Variants in JAKMIP1 observed in about 807,000 individuals in gnomAD.
JAKMIP1 encodes janus kinase and microtubule interacting protein 1, also known as janus kinase and microtubule-interacting protein 1.
JAKMIP1 carries 33 observed loss-of-function variants against 113.0 expected under a neutral mutation model. The observed-to-expected ratio is 0.29, with a 90% CI of 0.22 to 0.39. JAKMIP1 has a LOEUF of 0.39. Among genes scored for constraint, JAKMIP1 ranks in the 10% least tolerant of loss-of-function variants. The probability of loss-of-function intolerance (pLI) is 1.00; values close to 1 mark genes in which losing one functional copy is unlikely to be tolerated. For missense variants in JAKMIP1, 813 were observed against 1,080.5 expected (o/e 0.75, Z 3.47); for synonymous variants, 480 against 459.9 (o/e 1.04, Z -0.56).
chr4:6,079,774 AC>A (rs1720234700), intron 7 of JAKMIP1, among the ~76,000 whole-genome samples: 1 of 152,186 alleles, frequency 6.6e-6, no homozygotes, highest in South Asian at 2.1e-4. Context: ...GCCTAAACTC[AC>A]AGTCTGCAAC....
At chr4:6,130,362 A>G (rs973889254) in intron 1 of JAKMIP1, among the ~76,000 whole-genome samples, 1 of 152,270 alleles carries the variant, frequency 6.6e-6, no homozygotes, top group Admixed American at 6.5e-5. Flanking sequence ...AACTGAGGTC[A>G]TAGGACAAAC....
chr4:6,081,698 G>A lies in JAKMIP1; in HGVS notation c.1012C>T (p.Arg338Trp), dbSNP rs367878764. The change falls in exon 6 of 21, where the codon CGG becomes TGG. Residue 338 changes from arginine (R) to tryptophan (W), a missense_variant. This residue lies in a region of JAKMIP1 where 540 missense variants were observed against 653.9 expected (regional missense o/e 0.83). Coordinates refer to ENST00000409021, the MANE Select transcript of JAKMIP1 (RefSeq NM_001099433.2). The surrounding 1 kb of genome is among the most constrained non-coding windows in gnomAD (Gnocchi z 4.6). ...AGATCCTCATTCTTCTTGTTCATCC[G>A]CTTGTTCTTCTCCACCAGGGGCTTC... ...QLKPLVEKNKRMNKKNEDLLQ... is the reference protein window; with the variant it reads ...QLKPLVEKNKWMNKKNEDLLQ... The A allele has an allele frequency of 2.0e-5, 33 of 1,613,946 alleles. No homozygotes were observed. The highest frequency in any genetic ancestry group is 2.5e-5 in the Non-Finnish European group (29 of 1,180,016).
At chr4:6,159,011 C>T (rs1578415518) in intron 1 of JAKMIP1, among the ~76,000 whole-genome samples, 1 of 152,058 alleles carries the variant, frequency 6.6e-6, no homozygotes, top group Non-Finnish European at 1.5e-5. Flanking sequence ...ATAGCTTGAG[C>T]CCTGGAGGTC....
chr4:6,053,703 C>T, intron 13 of JAKMIP1: 8 of 946,632 alleles, frequency 8.5e-6, no homozygotes, highest in Non-Finnish European at 1.1e-5. Flanking sequence ...GGTGACTACG[C>T]ATGCAGGAAA....
intron 1 of JAKMIP1, among the ~76,000 whole-genome samples, chr4:6,120,756 C>T (rs1716593230): frequency 6.6e-6 from 1 of 152,200 alleles, no homozygotes; most frequent in South Asian, 2.1e-4. Context: ...GCTCACACCC[C>T]AGGCCAGCTT....
At position 6,080,649 on chromosome 4, in the gene JAKMIP1, C is replaced by T. The variant is rs983427850; in HGVS notation, c.1102-337G>A. On this transcript the variant is annotated intron_variant, in intron 6 of 20. Coordinates refer to ENST00000409021, the MANE Select transcript of JAKMIP1 (RefSeq NM_001099433.2). The surrounding 1 kb of genome is among the most constrained non-coding windows in gnomAD (Gnocchi z 6.0). ...GCTCTCAGTCTGTCTTGTCTGCCGC[C>T]AAGTAAGATGTGCCTTTAGCTTTCT... 3.9e-5 allele frequency among the ~76,000 whole-genome samples: 6 copies of T among 152,110 alleles called. No homozygotes were observed. The highest frequency in any genetic ancestry group is 4.8e-5 in the African/African-American group (2 of 41,416).
rs1720480431 is a variant in JAKMIP1 at position 6,143,783 on chromosome 4, GT to G, written c.-147-30787del. On this transcript the variant is annotated intron_variant, in intron 1 of 20. Coordinates refer to ENST00000409021, the MANE Select transcript of JAKMIP1 (RefSeq NM_001099433.2). This position sits in a 1 kb window ranked among gnomAD's most constrained non-coding sequence, Gnocchi z 4.9. ...TTCTAACACACGCTGCTCTAGAACA[GT>G]TTTTTATTTAAATAGAGAAGAAAAA... 6.6e-6 allele frequency among the ~76,000 whole-genome samples: 1 copy of G among 152,166 alleles called. No individual in the cohort carries two copies.
chr4:6,167,739 G>T lies in JAKMIP1; in HGVS notation c.-148+32514C>A, dbSNP rs573132020. Among the ~76,000 whole-genome samples the T allele has an allele frequency of 2.0e-5, 3 of 152,214 alleles. No individual in the cohort carries two copies. Among genetic ancestry groups the T allele is most frequent in the African/African-American group, 7.2e-5 (3 of 41,452 alleles). ...GTACTGCTATCCTCACTTTACAGAT[G>T]TGAACTGCCCAAGGGCACGCGGCTT... On this transcript the variant is annotated intron_variant, in intron 1 of 20. Transcript: ENST00000409021. The surrounding 1 kb of genome is among the most constrained non-coding windows in gnomAD (Gnocchi z 5.3).
intron 1 of JAKMIP1, among the ~76,000 whole-genome samples, chr4:6,151,048 A>G (rs867230345): frequency 6.6e-6 from 1 of 152,066 alleles, no homozygotes; most frequent in Non-Finnish European, 1.5e-5. Flanking sequence ...CGCCCCCGCC[A>G]TACCTTCCCC....
chr4:6,040,727 G>A lies in JAKMIP1; in HGVS notation c.2098-11C>T, dbSNP rs763766378. On this transcript the variant is annotated splice_polypyrimidine_tract_variant and intron_variant, in intron 17 of 20. Transcript: ENST00000409021. The surrounding 1 kb of genome is among the most constrained non-coding windows in gnomAD (Gnocchi z 5.8). ...CCTGCTGAACAGGTCCTGAGAAAGA[G>A]GGAGGCGCCATCAGGGACCAGCGTC... 8.1e-6 allele frequency: 13 copies of A among 1,610,472 alleles called. 1 individual carries two copies. The South Asian group carries it at 1.3e-4, about 16-fold the overall frequency.
intron 3 of JAKMIP1, among the ~76,000 whole-genome samples, chr4:6,092,798 C>T (rs1185011605): frequency 6.6e-6 from 1 of 152,166 alleles, no homozygotes; most frequent in Admixed American, 6.5e-5. Flanking sequence ...AAATCATTCC[C>T]CCAGATTCAG....
rs1201817717 is a variant in JAKMIP1 at position 6,153,012 on chromosome 4, T to C, written c.-147-40015A>G. On this transcript the variant is annotated intron_variant, in intron 1 of 20. Coordinates refer to ENST00000409021, the MANE Select transcript of JAKMIP1 (RefSeq NM_001099433.2). This position sits in a 1 kb window ranked among gnomAD's most constrained non-coding sequence, Gnocchi z 4.9. ...AGTGGGCATCCCTTAGCCCCAATTC[T>C]AGGAAACCCACATCACCTTCCTGTT... Among the ~76,000 whole-genome samples the C allele has an allele frequency of 1.3e-5, 2 of 151,948 alleles. No homozygotes were observed. The highest frequency in any genetic ancestry group is 2.9e-5 in the Non-Finnish European group (2 of 67,966).
rs73077443 is a variant in JAKMIP1, at chr4:6,197,623, G to A, written c.-148+2630C>T. ...AGGTTGATCCCGTCGCCACTATGGG[G>A]AGAGGAGTGACCCAGCAGAACTGGG... On this transcript the variant is annotated intron_variant, in intron 1 of 20. Coordinates refer to ENST00000409021, the MANE Select transcript of JAKMIP1 (RefSeq NM_001099433.2). The surrounding 1 kb of genome is among the most constrained non-coding windows in gnomAD (Gnocchi z 6.5). Among the ~76,000 whole-genome samples, 360 of 152,310 alleles carry A rather than the reference G, an allele frequency of 2.4e-3. No homozygotes were observed. Among genetic ancestry groups the A allele is most frequent in the African/African-American group, 8.2e-3 (341 of 41,566 alleles).
At chr4:6,071,625 G>A (rs1718970163) in intron 8 of JAKMIP1, among the ~76,000 whole-genome samples, 1 of 152,222 alleles carries the variant, frequency 6.6e-6, no homozygotes, top group Non-Finnish European at 1.5e-5. Context: ...TCCCCATGGT[G>A]TTTGCTACCC....
intron 16 of JAKMIP1, among the ~76,000 whole-genome samples, chr4:6,043,105 G>T (rs897700845): frequency 2.6e-5 from 4 of 151,970 alleles, no homozygotes; most frequent in African/African-American, 7.2e-5. Context: ...GGCACCTAGG[G>T]GTGTCCGGGT....
chr4:6,146,151 G>A (rs547978387), intron 1 of JAKMIP1, among the ~76,000 whole-genome samples: 2 of 145,222 alleles, frequency 1.4e-5, no homozygotes, highest in African/African-American at 5.0e-5. Flanking sequence ...ATTACACTCA[G>A]TGAAATAAGC....
At position 6,031,772 on chromosome 4, in the gene JAKMIP1, A is replaced by G. The variant is rs571592827; in HGVS notation, c.2380-1991T>C. On this transcript the variant is annotated intron_variant, in intron 19 of 20. Transcript: ENST00000409021. The surrounding 1 kb of genome is among the most constrained non-coding windows in gnomAD (Gnocchi z 4.4). ...ACAGAAAAAAAGATGATTCTCTCAG[A>G]TCTGTGACCTTGGGCAGTTATTCTG... Among the ~76,000 whole-genome samples, 7 of 152,330 alleles carry G rather than the reference A, an allele frequency of 4.6e-5. No homozygotes were observed. The highest frequency in any genetic ancestry group is 3.9e-4 in the Admixed American group (6 of 15,308).
intron 1 of JAKMIP1, among the ~76,000 whole-genome samples, chr4:6,145,461 G>C (rs1027697080): frequency 2.0e-5 from 3 of 147,538 alleles, no homozygotes; most frequent in African/African-American, 7.5e-5. Flanking sequence ...AGTGGTTCTT[G>C]GCCTGGGGTG....
chr4:6,029,897 C>A, intron 19 of JAKMIP1, 116 bp from the exon 20 acceptor site: 2 of 736,122 alleles, frequency 2.7e-6, no homozygotes, highest in Non-Finnish European at 2.4e-6. Flanking sequence ...ACACTGTGGG[C>A]AGCCTGATGA....
Sources: gnomAD v4.1 joint callset for allele counts (sites outside exome capture counted in the v4.1 genomes callset) on GRCh38, gnomAD v4.1.1 for gene constraint, gnomAD v4.1.1 regional missense constraint, Gnocchi (gnomAD v3.1) non-coding constraint, MANE v1.5 for transcripts, NCBI Gene and HGNC (gene_info 2026-07-23, HGNC 2026-07-21) for gene names.